ENTREP2: variants seen among roughly 807,000 people sequenced by gnomAD.
The protein encoded by ENTREP2 is endosomal transmembrane epsin interactor 2.
At chr15:29,143,655 T>G in the ENTREP2 span, among the ~76,000 whole-genome samples, 1 of 152,160 alleles carries the variant, frequency 6.6e-6, no homozygotes, top group African/African-American at 2.4e-5. Flanking sequence ...CCGAAGGGCT[T>G]ACACACACTT....
chr15:29,378,791 G>C, the ENTREP2 span, among the ~76,000 whole-genome samples: 1 of 152,086 alleles, frequency 6.6e-6, no homozygotes, highest in African/African-American at 2.4e-5. Context: ...ATATACATCT[G>C]TGTATGCGTG....
At chr15:29,659,100 T>C in the ENTREP2 span, among the ~76,000 whole-genome samples, 4 of 152,200 alleles carry the variant, frequency 2.6e-5, no homozygotes, top group Non-Finnish European at 2.9e-5. Flanking sequence ...TTTTTTTCCC[T>C]GTGGGGATCC....
chr15:29,622,040 T>C, the ENTREP2 span, among the ~76,000 whole-genome samples: 1 of 151,952 alleles, frequency 6.6e-6, no homozygotes, highest in Non-Finnish European at 1.5e-5. Context: ...GAAAGTAACA[T>C]GGTGGTTGCC....
At chr15:29,223,857 G>C in the ENTREP2 span, among the ~76,000 whole-genome samples, 2 of 152,150 alleles carry the variant, frequency 1.3e-5, no homozygotes, top group East Asian at 1.9e-4. Context: ...GCACTCTCTG[G>C]AGAGGGCTCA....
At chr15:29,555,972 T>C in the ENTREP2 span, among the ~76,000 whole-genome samples, 35,358 of 152,144 alleles carry the variant, frequency 0.23, 4,334 homozygotes, top group East Asian at 0.45. Flanking sequence ...GGGGAATTCC[T>C]GGCCAGGCAC....
chr15:29,324,844 A>G, the ENTREP2 span, among the ~76,000 whole-genome samples: 2 of 152,220 alleles, frequency 1.3e-5, no homozygotes, highest in Non-Finnish European at 2.9e-5. Flanking sequence ...AGTAATTGAT[A>G]CATCATCAAC....
At chr15:29,397,996 T>A in the ENTREP2 span, among the ~76,000 whole-genome samples, 226 of 151,912 alleles carry the variant, frequency 1.5e-3, 1 homozygote, top group African/African-American at 5.1e-3. Context: ...TTGGACTCTT[T>A]CAGATATTTA....
the ENTREP2 span, among the ~76,000 whole-genome samples, chr15:29,483,097 G>T: frequency 6.6e-6 from 1 of 152,314 alleles, no homozygotes; most frequent in South Asian, 2.1e-4. Flanking sequence ...GATATATGAT[G>T]TTGAACATCT....
the ENTREP2 span, among the ~76,000 whole-genome samples, chr15:29,439,374 G>A: frequency 2.6e-5 from 4 of 151,044 alleles, no homozygotes; most frequent in African/African-American, 7.3e-5. Context: ...GAGCCAAATG[G>A]CCAAAGGTCA....
At chr15:29,588,624 A>AGAAG in the ENTREP2 span, among the ~76,000 whole-genome samples, 3 of 151,864 alleles carry the variant, frequency 2.0e-5, no homozygotes, top group Admixed American at 6.6e-5. Context: ...ACAGAAAGAC[A>AGAAG]GAAGGAAGGA....
At chr15:29,398,868 T>C in the ENTREP2 span, among the ~76,000 whole-genome samples, 18 of 152,254 alleles carry the variant, frequency 1.2e-4, no homozygotes, top group African/African-American at 4.3e-4. Context: ...ACTGTGAATA[T>C]GTATGTGATT....
chr15:29,430,697 G>A, the ENTREP2 span, among the ~76,000 whole-genome samples: 71 of 152,194 alleles, frequency 4.7e-4, no homozygotes, highest in Middle Eastern at 0.01. Flanking sequence ...AGAGATGGGT[G>A]GGGGAAGGAT....
At chr15:29,597,033 C>A in the ENTREP2 span, among the ~76,000 whole-genome samples, 16 of 151,814 alleles carry the variant, frequency 1.1e-4, no homozygotes, top group Non-Finnish European at 7.4e-5. Context: ...TCATAGAAAT[C>A]CCCCATAGGG....
chr15:29,256,575 C>CATT, the ENTREP2 span, among the ~76,000 whole-genome samples: 1 of 152,144 alleles, frequency 6.6e-6, no homozygotes, highest in Non-Finnish European at 1.5e-5. Flanking sequence ...TTTATTCTTA[C>CATT]ATTACATTCT....
chr15:29,532,056 CAAG>C, the ENTREP2 span, among the ~76,000 whole-genome samples: 1 of 152,324 alleles, frequency 6.6e-6, no homozygotes, highest in East Asian at 1.9e-4. Flanking sequence ...CAGCAATTTT[CAAG>C]AAGACAATGC....
chr15:29,583,960 C>A, the ENTREP2 span, among the ~76,000 whole-genome samples: 1 of 152,134 alleles, frequency 6.6e-6, no homozygotes, highest in Admixed American at 6.5e-5. Flanking sequence ...TGTACATGTA[C>A]TTGACCCTGG....
At chr15:29,172,412 A>G in the ENTREP2 span, among the ~76,000 whole-genome samples, 1 of 152,140 alleles carries the variant, frequency 6.6e-6, no homozygotes, top group Non-Finnish European at 1.5e-5. Context: ...CAGGAAGGGA[A>G]GAGTGTCTTC....
At chr15:29,464,684 G>T in the ENTREP2 span, among the ~76,000 whole-genome samples, 4 of 152,146 alleles carry the variant, frequency 2.6e-5, no homozygotes, top group African/African-American at 9.7e-5. Context: ...TAACACAGTC[G>T]CTCGTGGACC....
At chr15:29,561,773 C>T in the ENTREP2 span, among the ~76,000 whole-genome samples, 4 of 151,920 alleles carry the variant, frequency 2.6e-5, no homozygotes, top group East Asian at 1.9e-4. Context: ...TGGCAATCAT[C>T]GTAGAGGAGG....
Sources: allele counts gnomAD v4.1 joint callset (sites outside exome capture counted in the v4.1 genomes callset), GRCh38; gene constraint gnomAD v4.1.1; transcripts MANE v1.5; gene names NCBI Gene and HGNC (gene_info 2026-07-23, HGNC 2026-07-21).